SLC2A1: variants seen among roughly 807,000 people sequenced by gnomAD.
The protein encoded by SLC2A1 is solute carrier family 2, facilitated glucose transporter member 1.
A neutral mutation model predicts 46.6 loss-of-function variants in SLC2A1; 4 were observed. That is an observed-to-expected ratio of 0.09 (90% confidence interval 0.04 to 0.20). SLC2A1 has a LOEUF of 0.20. SLC2A1 is among the 10% of genes least tolerant of loss of function. The pLI, the probability that SLC2A1 is intolerant of heterozygous loss-of-function variation, is 1.00. For synonymous variants in SLC2A1, 253 were observed against 270.0 expected (o/e 0.94, Z 0.62); for missense variants, 352 against 667.0 (o/e 0.53, Z 5.20).
intron 2 of SLC2A1, among the ~76,000 whole-genome samples, chr1:42,937,037 T>C (rs841847): frequency 0.81 from 123,528 of 152,110 alleles, 50,681 homozygotes; most frequent in African/African-American, 0.94. Context: ...CTCCAATGCA[T>C]GGGACAGGCC....
chr1:42,943,101 A>G, intron 2 of SLC2A1, 125 bp downstream of exon 2: 1 of 728,982 alleles, frequency 1.4e-6, no homozygotes, highest in Non-Finnish European at 2.5e-6. Context: ...CTGGCTGGAG[A>G]GGCAGACAGT....
Position 42,949,561 on chromosome 1 carries a change from A to G in SLC2A1, c.19-6240T>C, listed in dbSNP as rs186478345. Among the ~76,000 whole-genome samples the G allele has an allele frequency of 5.3e-5, 8 of 152,300 alleles. No homozygotes were observed. The East Asian group carries it at 5.8e-4, about 11-fold the overall frequency. Reference sequence around the variant, plus strand: ...GAAGCCACTTCCTTTAAGCCTTCCAATGATATCAAGACCCTTGCATGACTG... The same window carrying G: ...GAAGCCACTTCCTTTAAGCCTTCCAGTGATATCAAGACCCTTGCATGACTG... On this transcript the variant is annotated intron_variant, in intron 1 of 9. Coordinates refer to ENST00000426263, the MANE Select transcript of SLC2A1 (RefSeq NM_006516.4).
Position 42,926,921 on chromosome 1 carries a change from G to A in SLC2A1, c.*120C>T. 2 of 1,528,138 alleles carry A rather than the reference G, an allele frequency of 1.3e-6. No individual in the cohort carries two copies. The highest frequency in any genetic ancestry group is 2.6e-5 in the South Asian group (2 of 77,438). 94.7% of individuals were successfully genotyped at this position (1,528,138 alleles called of 1,614,324 possible). A position where few individuals can be genotyped will look rare whatever the true frequency, so the allele number is the denominator to read the frequency against. On this transcript the variant is annotated 3_prime_UTR_variant, in exon 10 of 10. Coordinates refer to ENST00000426263, the MANE Select transcript of SLC2A1 (RefSeq NM_006516.4). ...TGGACATCATTGCTGGCTGGAGAAAGGAGCCCCAGGCCCGGCTCGGCTGAC... is the reference window on the plus strand; with the variant it reads ...TGGACATCATTGCTGGCTGGAGAAAAGAGCCCCAGGCCCGGCTCGGCTGAC...
chr1:42,947,305 G>GCAGC, intron 1 of SLC2A1, among the ~76,000 whole-genome samples: 1 of 152,152 alleles, frequency 6.6e-6, no homozygotes, highest in Non-Finnish European at 1.5e-5. Flanking sequence ...GGGATCCCCA[G>GCAGC]CAGCCCATCA....
chr1:42,935,008 C>T (rs1308623138), intron 2 of SLC2A1, among the ~76,000 whole-genome samples: 4 of 152,152 alleles, frequency 2.6e-5, no homozygotes, highest in South Asian at 2.1e-4. Context: ...GTGCCAGGCT[C>T]GGCCATCCAC....
Position 42,954,934 on chromosome 1 carries a change from G to A in SLC2A1, c.18+3700C>T, listed in dbSNP as rs1041464603. 1.3e-5 allele frequency among the ~76,000 whole-genome samples: 2 copies of A among 152,190 alleles called. No homozygotes were observed. The highest frequency in any genetic ancestry group is 4.8e-5 in the African/African-American group (2 of 41,446). On this transcript the variant is annotated intron_variant, in intron 1 of 9. Coordinates refer to ENST00000426263, the MANE Select transcript of SLC2A1 (RefSeq NM_006516.4). The surrounding 1 kb of genome is among the most constrained non-coding windows in gnomAD (Gnocchi z 4.2). ...GCAAAGCAAAGAAGCCCAAAGCAGCGCAGGGCACTCACATGAGCTGACCCT... is the reference window on the plus strand; with the variant it reads ...GCAAAGCAAAGAAGCCCAAAGCAGCACAGGGCACTCACATGAGCTGACCCT...
intron 1 of SLC2A1, among the ~76,000 whole-genome samples, chr1:42,947,084 G>GCAGCCT (rs1643664058): frequency 6.6e-6 from 1 of 152,202 alleles, no homozygotes; most frequent in South Asian, 2.1e-4. Context: ...CCTCGATCGG[G>GCAGCCT]CAGCCTCAGC....
intron 1 of SLC2A1, among the ~76,000 whole-genome samples, chr1:42,957,840 T>C (rs932727592): frequency 1.3e-5 from 2 of 152,206 alleles, no homozygotes; most frequent in African/African-American, 4.8e-5. Context: ...TGGGGCTCTT[T>C]CCTGGCCCCC....
At chr1:42,951,250 G>A (rs1643717043) in intron 1 of SLC2A1, among the ~76,000 whole-genome samples, 2 of 152,292 alleles carry the variant, frequency 1.3e-5, no homozygotes, top group South Asian at 4.1e-4. Flanking sequence ...ATCATGGTGG[G>A]ACATGCCTGT....
rs13306756 is a variant in SLC2A1 at position 42,930,073 on chromosome 1, C to T, written c.517-38G>A. 1.9e-3 allele frequency: 3,113 copies of T among 1,611,304 alleles called. 44 individuals are homozygous for T. The East Asian group carries it at 0.044, about 23-fold the overall frequency. On this transcript the variant is annotated intron_variant, in intron 4 of 9. Transcript: ENST00000426263. The surrounding 1 kb of genome is among the most constrained non-coding windows in gnomAD (Gnocchi z 6.2). ...GGGGCCGTGAGCGCCTCTGCCCTGACCCCCTTTCCCACCCCGTCCTGCCAG... is the reference window on the plus strand; with the variant it reads ...GGGGCCGTGAGCGCCTCTGCCCTGATCCCCTTTCCCACCCCGTCCTGCCAG...
intron 1 of SLC2A1, among the ~76,000 whole-genome samples, chr1:42,947,884 C>T (rs538578580): frequency 9.8e-5 from 15 of 152,286 alleles, no homozygotes; most frequent in African/African-American, 3.6e-4. Flanking sequence ...TCATCCTTAG[C>T]CATTTATCAA....
At chr1:42,942,234 C>G (rs927087285) in intron 2 of SLC2A1, among the ~76,000 whole-genome samples, 1 of 152,232 alleles carries the variant, frequency 6.6e-6, no homozygotes, top group Non-Finnish European at 1.5e-5. Context: ...CAGAGCTTGG[C>G]TTCTGACTCC....
Position 42,928,025 on chromosome 1 carries a change from C to T in SLC2A1, c.1075-217G>A, listed in dbSNP as rs74068366. 0.019 allele frequency among the ~76,000 whole-genome samples: 2,830 copies of T among 152,256 alleles called. 103 individuals carry two copies. The highest frequency in any genetic ancestry group is 0.064 in the African/African-American group (2,654 of 41,522). ...GGTGGCTGCAAGTGTTGAGTCCACC[C>T]GCTGGGAGTGGTAATGTGGTGTGCA... On this transcript the variant is annotated intron_variant, in intron 8 of 9. Transcript: ENST00000426263.
chr1:42,941,012 C>A (rs969983399), intron 2 of SLC2A1, among the ~76,000 whole-genome samples: 1 of 152,200 alleles, frequency 6.6e-6, no homozygotes, highest in Non-Finnish European at 1.5e-5. Context: ...CATTTTTAAA[C>A]CCTTCTCTGT....
chr1:42,952,588 A>C (rs575406629), intron 1 of SLC2A1: 6 of 318,250 alleles, frequency 1.9e-5, no homozygotes, highest in African/African-American at 1.3e-4. Context: ...GATGGAGGCA[A>C]GGCGAGCCCA....
At chr1:42,940,401 T>C (rs1014943844) in intron 2 of SLC2A1, among the ~76,000 whole-genome samples, 1 of 152,218 alleles carries the variant, frequency 6.6e-6, no homozygotes, top group African/African-American at 2.4e-5. Flanking sequence ...CCAGTGTCTA[T>C]TACTATGACA....
At chr1:42,934,689 C>A (rs1307410185) in intron 2 of SLC2A1, among the ~76,000 whole-genome samples, 1 of 152,148 alleles carries the variant, frequency 6.6e-6, no homozygotes, top group Non-Finnish European at 1.5e-5. Context: ...CCCGCCGGCT[C>A]CCAGCAGCCT....
Position 42,926,080 on chromosome 1 carries a change from G to A in SLC2A1, c.*961C>T, listed in dbSNP as rs1168644419. The A allele has an allele frequency of 6.6e-6, 1 of 152,554 alleles. No homozygotes were observed. Among genetic ancestry groups the A allele is most frequent in the African/African-American group, 2.4e-5 (1 of 41,418 alleles). 9.5% of individuals were successfully genotyped at this position (152,554 alleles called of 1,614,324 possible). ...AGTCGAAGTCTAAGCCGTTGCAGTG[G>A]TTGCAACCCCACTTACTTCTGTCTC... is the stretch of plus-strand genomic sequence containing the variant. On this transcript the variant is annotated 3_prime_UTR_variant, in exon 10 of 10. Coordinates refer to ENST00000426263, the MANE Select transcript of SLC2A1 (RefSeq NM_006516.4).
Position 42,929,000 on chromosome 1 carries a change from G to C in SLC2A1, c.1006C>G (p.Leu336Val), listed in dbSNP as rs755946345. The part of the protein sequence containing the change: ...FVVERAGRRT[L>V]HLIGLAGMAG... ...ATGCCAGCGAGGCCTATGAGGTGCA[G>C]GGTCCGCCGGCCTGCTCGCTCCACC... Residue 336 changes from leucine (L) to valine (V), a missense_variant, in exon 8 of 10, where the codon CTG becomes GTG. Leu to Val is a conservative substitution (Grantham distance 32, BLOSUM62 1). This residue lies in a region of SLC2A1 where 167 missense variants were observed against 280.8 expected (regional missense o/e 0.59). Transcript: ENST00000426263. The C allele has an allele frequency of 6.2e-7, 1 of 1,613,714 alleles. No individual in the cohort carries two copies. Among genetic ancestry groups the C allele is most frequent in the Non-Finnish European group, 8.5e-7 (1 of 1,180,032 alleles).
Sources: allele counts gnomAD v4.1 joint callset (sites outside exome capture counted in the v4.1 genomes callset), GRCh38; gene constraint gnomAD v4.1.1; regional missense constraint gnomAD v4.1.1; non-coding constraint Gnocchi (gnomAD v3.1); transcripts MANE v1.5; gene names NCBI Gene and HGNC (gene_info 2026-07-23, HGNC 2026-07-21).